Variants in UNC5C observed in about 807,000 individuals in gnomAD.
UNC5C encodes the protein unc-5 netrin receptor C, also known as netrin receptor UNC5C.
A neutral mutation model predicts 99.8 loss-of-function variants in UNC5C; 47 were observed. The ratio of observed to expected loss-of-function variants is 0.47; its 90% CI spans 0.37 to 0.60. The LOEUF is 0.60. Ranked by LOEUF, UNC5C falls within the 20% of genes least tolerant of loss-of-function variation. UNC5C has a pLI of 0.00. For synonymous variants in UNC5C, 487 were observed against 452.2 expected (o/e 1.08, Z -0.98); for missense variants, 1,062 against 1,165.9 (o/e 0.91, Z 1.30).
intron 1 of UNC5C, among the ~76,000 whole-genome samples, chr4:95,528,570 T>C (rs540743033): frequency 1.6e-4 from 25 of 152,310 alleles, no homozygotes; most frequent in African/African-American, 6.0e-4. Flanking sequence ...ACTCTGTTGC[T>C]GAGAGATGTG....
At chr4:95,213,272 C>T (rs765341717) in intron 10 of UNC5C, among the ~76,000 whole-genome samples, 28 of 152,192 alleles carry the variant, frequency 1.8e-4, no homozygotes, top group Non-Finnish European at 3.1e-4. Context: ...CAATAAAGAA[C>T]AAAATTTCAG....
intron 1 of UNC5C, among the ~76,000 whole-genome samples, chr4:95,496,225 C>G (rs903072535): frequency 1.3e-5 from 2 of 151,688 alleles, no homozygotes; most frequent in African/African-American, 4.8e-5. Flanking sequence ...TTCTGACTTT[C>G]AAAAGAAACA....
chr4:95,190,734 G>C (rs1737050595), intron 12 of UNC5C, among the ~76,000 whole-genome samples: 1 of 152,152 alleles, frequency 6.6e-6, no homozygotes, highest in Admixed American at 6.5e-5. Context: ...CGAACCATCA[G>C]TCACCAGAAG....
intron 10 of UNC5C, among the ~76,000 whole-genome samples, chr4:95,211,026 C>G (rs1473373627): frequency 6.6e-6 from 1 of 152,180 alleles, no homozygotes; most frequent in Non-Finnish European, 1.5e-5. Context: ...CATTTAATTT[C>G]TTTCACACGA....
At chr4:95,455,475 G>A (rs1342975900) in intron 1 of UNC5C, among the ~76,000 whole-genome samples, 1 of 151,914 alleles carries the variant, frequency 6.6e-6, no homozygotes, top group Non-Finnish European at 1.5e-5. Flanking sequence ...GACCAGCCTG[G>A]GCAAAGTAGC....
chr4:95,268,576 T>C (rs1480018927), intron 4 of UNC5C, among the ~76,000 whole-genome samples: 1 of 152,190 alleles, frequency 6.6e-6, no homozygotes, highest in Non-Finnish European at 1.5e-5. Flanking sequence ...TATATGTCAA[T>C]AATAGAGAGC....
At chr4:95,316,300 G>A (rs375779872) in intron 2 of UNC5C, among the ~76,000 whole-genome samples, 1 of 152,084 alleles carries the variant, frequency 6.6e-6, no homozygotes, top group Admixed American at 6.6e-5. Context: ...CTACTGCAAA[G>A]GAAATAATAA....
chr4:95,203,584 C>G (rs1737768340), intron 11 of UNC5C, among the ~76,000 whole-genome samples: 1 of 152,122 alleles, frequency 6.6e-6, no homozygotes, highest in Admixed American at 6.5e-5. Flanking sequence ...ATCCCCCAAC[C>G]TCAGCCTCCC....
At chr4:95,346,622 T>A (rs566076560) in intron 1 of UNC5C, among the ~76,000 whole-genome samples, 33 of 152,152 alleles carry the variant, frequency 2.2e-4, no homozygotes, top group Admixed American at 3.9e-4. Context: ...TCAAGGATAG[T>A]TCAACATACA....
chr4:95,258,264 A>G (rs894563823), intron 4 of UNC5C, among the ~76,000 whole-genome samples: 12 of 152,232 alleles, frequency 7.9e-5, no homozygotes, highest in Non-Finnish European at 1.8e-4. Flanking sequence ...ACCAGGAGTC[A>G]GTACTCTGGT....
At chr4:95,450,132 G>A (rs1039432555) in intron 1 of UNC5C, among the ~76,000 whole-genome samples, 3 of 152,216 alleles carry the variant, frequency 2.0e-5, no homozygotes, top group East Asian at 3.9e-4. Context: ...ACAGATAACA[G>A]ATCTGCCCTT....
At chr4:95,393,163 G>A (rs1745410548) in intron 1 of UNC5C, among the ~76,000 whole-genome samples, 1 of 152,186 alleles carries the variant, frequency 6.6e-6, no homozygotes, top group African/African-American at 2.4e-5. Flanking sequence ...TGCAAGGTGG[G>A]AGTAGGGCAG....
intron 1 of UNC5C, among the ~76,000 whole-genome samples, chr4:95,375,083 T>C (rs1343930339): frequency 6.6e-6 from 1 of 152,158 alleles, no homozygotes; most frequent in Non-Finnish European, 1.5e-5. Context: ...TTATCTTTCC[T>C]TCATCCTTCT....
At chr4:95,424,534 T>TC (rs1746415482) in intron 1 of UNC5C, among the ~76,000 whole-genome samples, 1 of 140,512 alleles carries the variant, frequency 7.1e-6, no homozygotes, top group Non-Finnish European at 1.5e-5. Context: ...TTTTTTTTTT[T>TC]TTTTTGAGAC....
At chr4:95,274,132 AT>A (rs1740766041) in intron 4 of UNC5C, among the ~76,000 whole-genome samples, 1 of 152,194 alleles carries the variant, frequency 6.6e-6, no homozygotes, top group African/African-American at 2.4e-5. Flanking sequence ...AAACAGATAA[AT>A]TTCAATACAA....
chr4:95,548,960 T>C lies in UNC5C; in HGVS notation c.-103A>G. 6.9e-7 allele frequency: 1 copy of C among 1,454,748 alleles called. No individual in the cohort carries two copies. The highest frequency in any genetic ancestry group is 9.4e-7 in the Non-Finnish European group (1 of 1,068,764). 90.1% of individuals were successfully genotyped at this position (1,454,748 alleles called of 1,614,324 possible). ...GCTGAATCCGTGCACCGCGAAGCAG[T>C]CCGAAGAAATAACGACAACCAAGCG... On this transcript the variant is annotated 5_prime_UTR_variant, in exon 1 of 16. Transcript: ENST00000453304.
chr4:95,517,533 C>T (rs1394049607), intron 1 of UNC5C, among the ~76,000 whole-genome samples: 3 of 152,068 alleles, frequency 2.0e-5, no homozygotes, highest in African/African-American at 7.2e-5. Context: ...TTGAAATGCT[C>T]CTAAAAAATC....
At chr4:95,363,995 C>A (rs1201070211) in intron 1 of UNC5C, among the ~76,000 whole-genome samples, 3 of 152,154 alleles carry the variant, frequency 2.0e-5, no homozygotes, top group Non-Finnish European at 2.9e-5. Flanking sequence ...TATTGATATA[C>A]TTTTACATCT....
chr4:95,548,944 G>A lies in UNC5C; in HGVS notation c.-87C>T, dbSNP rs1345224216. 4 of 1,526,816 alleles carry A rather than the reference G, an allele frequency of 2.6e-6. No individual in the cohort carries two copies. The highest frequency in any genetic ancestry group is 3.6e-6 in the Non-Finnish European group (4 of 1,120,102). The allele number at this position is 1,526,816 out of a possible 1,614,324, so 94.6% of individuals were successfully genotyped here. ...GCCCCACTGGGCAGAAGCTGAATCC[G>A]TGCACCGCGAAGCAGTCCGAAGAAA... On this transcript the variant is annotated 5_prime_UTR_variant, in exon 1 of 16. The change creates a new upstream start codon in the 5' untranslated region. Coordinates refer to ENST00000453304, the MANE Select transcript of UNC5C (RefSeq NM_003728.4).
Sources: allele counts gnomAD v4.1 joint callset (sites outside exome capture counted in the v4.1 genomes callset), GRCh38; gene constraint gnomAD v4.1.1; transcripts MANE v1.5; gene names NCBI Gene and HGNC (gene_info 2026-07-23, HGNC 2026-07-21).